PUS10: variants seen among roughly 807,000 people sequenced by gnomAD.
PUS10 encodes the protein pseudouridine synthase 10.
A neutral mutation model predicts 75.0 loss-of-function variants in PUS10; 59 were observed. The ratio of observed to expected loss-of-function variants is 0.79; its 90% confidence interval spans 0.64 to 0.98. PUS10 has a LOEUF of 0.98. PUS10 is among the 50% of genes least tolerant of loss of function. PUS10 has a pLI of 0.00. For missense variants in PUS10, 650 were observed against 614.4 expected, an observed-to-expected ratio of 1.06 and a Z score of -0.61; for synonymous variants, 219 against 211.6, an observed-to-expected ratio of 1.03 and a Z score of -0.30.
intron 4 of PUS10, among the ~76,000 whole-genome samples, chr2:61,001,467 GGA>G (rs1418858892): frequency 1.3e-5 from 2 of 152,038 alleles, no homozygotes; most frequent in African/African-American, 2.4e-5. Context: ...AGTAGAGACG[GGA>G]TTTTACTATG....
Position 60,953,075 on chromosome 2 carries a change from CT to C in PUS10, c.1229del (p.Lys410ArgfsTer8). ...IGHMKEGEEE[K>X]TKTYSALIWT... ...AAATTAAGGCACTGTAGGTCTTTGTCTTTTCTTCTTCACCTTCTTTCATATG... is the reference window on the plus strand; with the variant it reads ...AAATTAAGGCACTGTAGGTCTTTGTCTTTCTTCTTCACCTTCTTTCATATG... On this transcript the variant is annotated frameshift_variant, in exon 15 of 18. Coordinates refer to ENST00000316752, the MANE Select transcript of PUS10 (RefSeq NM_144709.4). LOFTEE classifies it high-confidence loss of function. 1 of 1,608,628 alleles carries C rather than the reference CT, an allele frequency of 6.2e-7. No homozygotes were observed. The highest frequency in any genetic ancestry group is 8.5e-7 in the Non-Finnish European group (1 of 1,175,194).
Position 60,953,954 on chromosome 2 carries a change from C to A in PUS10, c.1169G>T (p.Arg390Leu). The A allele has an allele frequency of 6.2e-7, 1 of 1,613,968 alleles. No individual in the cohort carries two copies. The highest frequency in any genetic ancestry group is 8.5e-7 in the Non-Finnish European group (1 of 1,179,868). Reference sequence around the variant, plus strand: ...TTACCTTGTGACAAGCTGCAAGTCACGTACTTGGATTTTGTTAGATGAGTT... The same window carrying A: ...TTACCTTGTGACAAGCTGCAAGTCAAGTACTTGGATTTTGTTAGATGAGTT... The part of the protein sequence containing the change: ...INNSSNKIQV[R>L]DLQLVTREAI... The change falls in exon 14 of 18, where the codon CGT becomes CTT. Residue 390 changes from arginine to leucine, a missense_variant. By Grantham distance (102) the Arg-to-Leu change is moderately radical. Transcript: ENST00000316752.
In PUS10 at chr2:60,960,501, G is replaced by C. The variant is rs1236788643; in HGVS notation, c.891C>G (p.Tyr297Ter). ...AAGGAGTTTGTGGTAGATTCCTGGA[G>C]TATTTATTATATCTCCCTGAGAAAG... ...AVFVAGRYNK[Y>*]SRNLPQTPWI... is the part of the protein sequence containing the mutation. The change falls in exon 11 of 18, where the codon TAC becomes TAG. Residue 297 changes from tyrosine to a stop codon, truncating the protein, a stop_gained. Coordinates refer to ENST00000316752, the MANE Select transcript of PUS10 (RefSeq NM_144709.4). LOFTEE classifies it high-confidence loss of function. 1.9e-6 allele frequency: 3 copies of C among 1,574,620 alleles called. No homozygotes were observed. The Admixed American group carries it at 5.9e-5, about 31-fold the overall frequency.
chr2:60,957,814 T>C (rs1193856030), intron 11 of PUS10, among the ~76,000 whole-genome samples: 1 of 152,202 alleles, frequency 6.6e-6, no homozygotes, highest in Non-Finnish European at 1.5e-5. Context: ...ATAAGGGAAA[T>C]GGCTGTGTTT....
chr2:60,968,129 G>A (rs1413510816), intron 5 of PUS10, among the ~76,000 whole-genome samples: 1 of 152,112 alleles, frequency 6.6e-6, no homozygotes, highest in African/African-American at 2.4e-5. Context: ...AAGTATCAAT[G>A]TTCTGAAATG....
At chr2:60,993,884 T>C (rs1484139918) in intron 4 of PUS10, among the ~76,000 whole-genome samples, 1 of 151,982 alleles carries the variant, frequency 6.6e-6, no homozygotes, top group African/African-American at 2.4e-5. Flanking sequence ...CCGCCTCCCA[T>C]GTTCACGCCA....
chr2:61,016,934 T>C (rs1021915345), intron 1 of PUS10, among the ~76,000 whole-genome samples: 1 of 152,074 alleles, frequency 6.6e-6, no homozygotes, highest in Non-Finnish European at 1.5e-5. Context: ...AACATTCAGC[T>C]CTGGAATCTA....
Position 60,965,048 on chromosome 2 carries a change from C to G in PUS10, c.723+10G>C, listed in dbSNP as rs754996422. 6.8e-6 allele frequency: 11 copies of G among 1,612,830 alleles called. No homozygotes were observed. The Admixed American group carries it at 1.8e-4, about 27-fold the overall frequency. On this transcript the variant is annotated intron_variant, in intron 8 of 17. Coordinates refer to ENST00000316752, the MANE Select transcript of PUS10 (RefSeq NM_144709.4). ...TCACTCAAGACTAAGAAGCGGGAAC[C>G]TTTCCTTACCTGTTTGTTTTTGGCT... is the stretch of plus-strand genomic sequence containing the variant.
In PUS10 at chr2:61,011,882, T is replaced by C. The variant is rs745938043; in HGVS notation, c.9A>G (p.Pro3=). 6.3e-7 allele frequency: 1 copy of C among 1,598,470 alleles called. No individual in the cohort carries two copies. The highest frequency in any genetic ancestry group is 8.5e-7 in the Non-Finnish European group (1 of 1,175,570). ...CCACATGCTTGTTTTCCTCAGTCAG[T>C]GGGAACATATTGAATAATTATAACT... MF[P]LTEENKHVAQ... is the part of the protein sequence containing the mutation. Residue 3 remains proline, a synonymous_variant, in exon 2 of 18, where the codon CCA becomes CCG. Coordinates refer to ENST00000316752, the MANE Select transcript of PUS10 (RefSeq NM_144709.4).
chr2:60,947,504 G>C lies in PUS10; in HGVS notation c.1451+539C>G, dbSNP rs116773380. 4.9e-3 allele frequency among the ~76,000 whole-genome samples: 752 copies of C among 152,270 alleles called. 8 individuals are homozygous for C. Among genetic ancestry groups the C allele is most frequent in the African/African-American group, 0.017 (719 of 41,554 alleles). The stretch of plus-strand genomic sequence containing the variant: ...ATAACTTTAAAGCTGACATTGAACT[G>C]ACTGCTACCTCAGGGTTTAGAATCA... On this transcript the variant is annotated intron_variant, in intron 16 of 17. Coordinates refer to ENST00000316752, the MANE Select transcript of PUS10 (RefSeq NM_144709.4).
intron 11 of PUS10, among the ~76,000 whole-genome samples, chr2:60,956,991 A>T (rs990743761): frequency 2.0e-5 from 3 of 149,870 alleles, no homozygotes; most frequent in African/African-American, 7.3e-5. Flanking sequence ...AAAAAAAAAA[A>T]AAAAAAAAAG....
chr2:60,955,400 G>A (rs1003911108), intron 11 of PUS10, among the ~76,000 whole-genome samples: 7 of 152,076 alleles, frequency 4.6e-5, no homozygotes, highest in South Asian at 2.1e-4. Context: ...CGTGATCATG[G>A]CCCACTGCAG....
In PUS10 at chr2:60,945,098, C is replaced by G. The variant is rs761356981; in HGVS notation, c.1462G>C (p.Glu488Gln). 1 of 1,612,484 alleles carries G rather than the reference C, an allele frequency of 6.2e-7. No homozygotes were observed. The highest frequency in any genetic ancestry group is 1.1e-5 in the South Asian group (1 of 91,042). ...CTCCCGAAGTCTCCATGTACAAACTCTTTAATGTAGCTGGGGTTTGTTTAA... is the reference window on the plus strand; with the variant it reads ...CTCCCGAAGTCTCCATGTACAAACTGTTTAATGTAGCTGGGGTTTGTTTAA... ...LKTQAGTYIK[E>Q]FVHGDFGRTK... Residue 488 changes from glutamate to glutamine, a missense_variant, in exon 17 of 18, where the codon GAG becomes CAG. Glu to Gln is a conservative substitution (Grantham distance 29). Coordinates refer to ENST00000316752, the MANE Select transcript of PUS10 (RefSeq NM_144709.4).
chr2:61,006,573 T>A lies in PUS10; in HGVS notation c.452A>T (p.Gln151Leu). The A allele has an allele frequency of 6.2e-7, 1 of 1,613,222 alleles. No homozygotes were observed. ...TGACCTTACCTCTCTTACAGATAGT[T>A]GTGGTGGGAAGGAGACTGAAAATAC... ...SLVFSVSFPP[Q>L]LSVREHAAWL... Residue 151 changes from glutamine (Q) to leucine (L), a missense_variant, in exon 4 of 18, where the codon CAA (glutamine) becomes CTA (leucine). Transcript: ENST00000316752.
chr2:60,955,877 T>C (rs1474565655), intron 11 of PUS10, among the ~76,000 whole-genome samples: 1 of 152,110 alleles, frequency 6.6e-6, no homozygotes, highest in Non-Finnish European at 1.5e-5. Context: ...TCTTTCTTTC[T>C]TTCCTTAGAA....
chr2:60,982,680 T>C (rs1186608361), intron 4 of PUS10, among the ~76,000 whole-genome samples: 1 of 152,216 alleles, frequency 6.6e-6, no homozygotes, highest in African/African-American at 2.4e-5. Context: ...CAAAAACAGA[T>C]AATTTCTTTG....
intron 2 of PUS10, chr2:61,010,121 A>T (rs564710091): frequency 6.6e-6 from 1 of 152,322 alleles, no homozygotes; most frequent in Non-Finnish European, 1.5e-5. Context: ...ACGAAAGTTG[A>T]TAACACTCAG....
intron 5 of PUS10, among the ~76,000 whole-genome samples, chr2:60,970,224 T>G (rs1411467244): frequency 6.6e-6 from 1 of 152,178 alleles, no homozygotes; most frequent in African/African-American, 2.4e-5. Flanking sequence ...TACACCAGAA[T>G]CTAAACCATT....
Position 60,946,857 on chromosome 2 carries a change from G to GAC in PUS10, c.1451+1184_1451+1185dup, listed in dbSNP as rs372203343. Among the ~76,000 whole-genome samples, 776 of 90,554 alleles carry GAC rather than the reference G, an allele frequency of 8.6e-3. 6 individuals are homozygous for GAC. The highest frequency in any genetic ancestry group is 0.029 in the African/African-American group (675 of 23,214). 59.4% of individuals were successfully genotyped at this position (90,554 alleles called of 152,430 possible). A position where few individuals can be genotyped will look rare whatever the true frequency, so the allele number is the denominator to read the frequency against. Reference sequence around the variant, plus strand: ...TGTGTGTGTGTAATATATATATATAGACACACACACACACACATACAATAG... The same window carrying GAC: ...TGTGTGTGTGTAATATATATATATAGACACACACACACACACACATACAATAG... On this transcript the variant is annotated intron_variant, in intron 16 of 17. Coordinates refer to ENST00000316752, the MANE Select transcript of PUS10 (RefSeq NM_144709.4).
Sources: gnomAD v4.1 joint callset for allele counts (sites outside exome capture counted in the v4.1 genomes callset) on GRCh38, gnomAD v4.1.1 for gene constraint, MANE v1.5 for transcripts, NCBI Gene and HGNC (gene_info 2026-07-23, HGNC 2026-07-21) for gene names.